KCNJ18: variants seen among roughly 807,000 people sequenced by gnomAD.
The protein encoded by KCNJ18 is inward rectifier potassium channel 18.
A neutral mutation model predicts 17.3 loss-of-function variants in KCNJ18; 16 were observed. The observed-to-expected ratio is 0.92, with a 90% confidence interval of 0.62 to 1.40. The LOEUF is 1.40. Ranked by LOEUF, KCNJ18 falls within the 40% of genes most tolerant of loss-of-function variation. KCNJ18 has a pLI of 0.00. For missense variants in KCNJ18, 462 were observed against 626.8 expected (o/e 0.74, Z 2.81); for synonymous variants, 185 against 262.6 (o/e 0.70, Z 2.86).
intron 2 of KCNJ18, among the ~76,000 whole-genome samples, chr17:21,698,088 T>C (rs1408206886): frequency 4.6e-3 from 685 of 148,824 alleles, no homozygotes; most frequent in African/African-American, 0.016. Flanking sequence ...TTCTTTTGAG[T>C]GCCGATTTGT....
rs1906062334 is a variant in KCNJ18, at chr17:21,703,762, C to A, written c.976C>A (p.Arg326Ser). 1 of 1,605,942 alleles carries A rather than the reference C, an allele frequency of 6.2e-7. No homozygotes were observed. The highest frequency in any genetic ancestry group is 8.5e-7 in the Non-Finnish European group (1 of 1,176,894). Reference sequence around the variant, plus strand: ...GGCCAATGAGATCCTGTGGGGTCACCGCTTTGAGCCCGTGCTCTTCGAGGA... The same window carrying A: ...GGCCAATGAGATCCTGTGGGGTCACAGCTTTGAGCCCGTGCTCTTCGAGGA... ...YLANEILWGH[R>S]FEPVLFEEKN... Residue 326 changes from arginine to serine, a missense_variant, in exon 3 of 3, where the codon CGC becomes AGC. Arg to Ser is a moderately radical substitution (Grantham distance 110). Transcript: ENST00000567955.
chr17:21,695,436 A>G (rs1905731309), intron 1 of KCNJ18, among the ~76,000 whole-genome samples: 1 of 149,260 alleles, frequency 6.7e-6, no homozygotes, highest in African/African-American at 2.5e-5. Context: ...CCACCCACCT[A>G]TCCATCATCC....
chr17:21,695,403 C>A (rs1364798725), intron 1 of KCNJ18, among the ~76,000 whole-genome samples: 3 of 151,958 alleles, frequency 2.0e-5, no homozygotes, highest in African/African-American at 7.2e-5. Flanking sequence ...TCCACCTACC[C>A]ATTCATCCCT....
chr17:21,697,066 A>G (rs1157225332), intron 2 of KCNJ18, among the ~76,000 whole-genome samples: 1 of 152,302 alleles, frequency 6.6e-6, no homozygotes, highest in African/African-American at 2.4e-5. Context: ...GGGCCCAGCC[A>G]CCTGCTCCCA....
Position 21,704,340 on chromosome 17 carries a change from C to T in KCNJ18, c.*252C>T, listed in dbSNP as rs1906093593. ...GAAGTGGCCTCCTGGGGGGCCAGGC[C>T]ACGGGGGCCAGGGCTTCTGCCTGAA... On this transcript the variant is annotated 3_prime_UTR_variant, in exon 3 of 3. Transcript: ENST00000567955. The T allele has an allele frequency of 4.0e-6, 2 of 497,486 alleles. No individual in the cohort carries two copies. Among genetic ancestry groups the T allele is most frequent in the Non-Finnish European group, 7.0e-6 (2 of 286,576 alleles). The allele number at this position is 497,486 out of a possible 1,614,324, so 30.8% of individuals were successfully genotyped here.
chr17:21,704,206 G>A lies in KCNJ18; in HGVS notation c.*118G>A, dbSNP rs1451220780. 1.3e-5 allele frequency: 15 copies of A among 1,185,344 alleles called. No individual in the cohort carries two copies. The highest frequency in any genetic ancestry group is 5.2e-5 in the East Asian group (2 of 38,576). 73.4% of individuals were successfully genotyped at this position (1,185,344 alleles called of 1,614,324 possible). On this transcript the variant is annotated 3_prime_UTR_variant, in exon 3 of 3. Transcript: ENST00000567955. ...TGCCCTGGGTTGCAGACTCAGTAGC[G>A]TTTTAGTCGTTTTATGTTTCTTTGC...
chr17:21,694,512 TA>T (rs1205340262), intron 1 of KCNJ18, among the ~76,000 whole-genome samples: 17 of 152,276 alleles, frequency 1.1e-4, no homozygotes, highest in African/African-American at 3.1e-4. Context: ...TCTAGTCATC[TA>T]TCCTACTTGC....
At chr17:21,694,649 C>T in intron 1 of KCNJ18, among the ~76,000 whole-genome samples, 1 of 151,740 alleles carries the variant, frequency 6.6e-6, no homozygotes, top group Admixed American at 6.6e-5. Flanking sequence ...TCTACCCACC[C>T]ATCCACCCAC....
Position 21,704,115 on chromosome 17 carries a change from C to A in KCNJ18, c.*27C>A. 6.6e-7 allele frequency: 1 copy of A among 1,508,610 alleles called. No homozygotes were observed. The highest frequency in any genetic ancestry group is 8.9e-7 in the Non-Finnish European group (1 of 1,129,344). The allele number at this position is 1,508,610 out of a possible 1,614,324, so 93.5% of individuals were successfully genotyped here. A position where few individuals can be genotyped will look rare whatever the true frequency, so the allele number is the denominator to read the frequency against. ...CCAACCTTGGCCGACATGCAGCATC[C>A]ACCCCTGGCCGGGGAGAGGCCCCGC... On this transcript the variant is annotated 3_prime_UTR_variant, in exon 3 of 3. Coordinates refer to ENST00000567955, the MANE Select transcript of KCNJ18 (RefSeq NM_001194958.2).
intron 1 of KCNJ18, among the ~76,000 whole-genome samples, chr17:21,695,210 TCCA>T (rs1905723947): frequency 1.3e-5 from 2 of 151,742 alleles, no homozygotes; most frequent in African/African-American, 4.9e-5. Context: ...CATCCATCCA[TCCA>T]TCCATCCATC....
chr17:21,704,172 C>G lies in KCNJ18; in HGVS notation c.*84C>G. The G allele has an allele frequency of 7.2e-7, 1 of 1,396,876 alleles. No individual in the cohort carries two copies. The highest frequency in any genetic ancestry group is 9.5e-7 in the Non-Finnish European group (1 of 1,050,700). The allele number at this position is 1,396,876 out of a possible 1,614,324, so 86.5% of individuals were successfully genotyped here. On this transcript the variant is annotated 3_prime_UTR_variant, in exon 3 of 3. Coordinates refer to ENST00000567955, the MANE Select transcript of KCNJ18 (RefSeq NM_001194958.2). Reference sequence around the variant, plus strand: ...TCAGGGGCCCTGGGTTTGAGCAGAACGGGCCCAGTGCCCTGGGTTGCAGAC... The same window carrying G: ...TCAGGGGCCCTGGGTTTGAGCAGAAGGGGCCCAGTGCCCTGGGTTGCAGAC...
chr17:21,700,304 C>T (rs1905910293), intron 2 of KCNJ18, among the ~76,000 whole-genome samples: 1 of 140,296 alleles, frequency 7.1e-6, no homozygotes. Flanking sequence ...CTCAACTCTC[C>T]TGCTTAATGG....
intron 2 of KCNJ18, among the ~76,000 whole-genome samples, chr17:21,700,054 G>A (rs1905898533): frequency 6.6e-6 from 1 of 152,288 alleles, no homozygotes; most frequent in African/African-American, 2.4e-5. Flanking sequence ...GAGGGTCCAG[G>A]AATCTGGGGC....
intron 2 of KCNJ18, among the ~76,000 whole-genome samples, chr17:21,701,435 G>A (rs1245042902): frequency 1.3e-5 from 2 of 152,262 alleles, no homozygotes; most frequent in African/African-American, 4.8e-5. Flanking sequence ...GAGGGCCCTC[G>A]GCTGAGGTCA....
chr17:21,694,020 G>C (rs1191659685), intron 1 of KCNJ18, among the ~76,000 whole-genome samples: 2 of 152,184 alleles, frequency 1.3e-5, no homozygotes, highest in African/African-American at 4.8e-5. Context: ...TTCAGAACAA[G>C]CTGAGAGAGG....
intron 2 of KCNJ18, among the ~76,000 whole-genome samples, chr17:21,699,688 CAG>C (rs1905874943): frequency 6.6e-6 from 1 of 152,302 alleles, no homozygotes; most frequent in Non-Finnish European, 1.5e-5. Context: ...TAAAACCACG[CAG>C]AGAGGAACGT....
At chr17:21,700,577 T>G (rs1905919355) in intron 2 of KCNJ18, among the ~76,000 whole-genome samples, 1 of 109,834 alleles carries the variant, frequency 9.1e-6, no homozygotes, top group African/African-American at 3.2e-5. Context: ...CATCACCTGT[T>G]GCTCAGGTGT....
intron 2 of KCNJ18, among the ~76,000 whole-genome samples, chr17:21,700,003 C>T (rs1340095730): frequency 5.9e-5 from 9 of 152,282 alleles, no homozygotes; most frequent in Non-Finnish European, 7.3e-5. Flanking sequence ...GGTGGCCTCA[C>T]GCCGGCGTCT....
chr17:21,693,853 C>G (rs1318157859), intron 1 of KCNJ18, among the ~76,000 whole-genome samples: 1 of 152,148 alleles, frequency 6.6e-6, no homozygotes, highest in Non-Finnish European at 1.5e-5. Flanking sequence ...GTGTCCCCAT[C>G]AGTTTTGAGG....
Sources: allele counts gnomAD v4.1 joint callset (sites outside exome capture counted in the v4.1 genomes callset), GRCh38; gene constraint gnomAD v4.1.1; transcripts MANE v1.5; gene names NCBI Gene and HGNC (gene_info 2026-07-23, HGNC 2026-07-21).